LILRB5: variants seen among roughly 807,000 people sequenced by gnomAD.
LILRB5 encodes the protein leukocyte immunoglobulin-like receptor subfamily B member 5.
Under a neutral mutation model 68.4 loss-of-function variants are expected in LILRB5, and 61 were observed. The ratio of observed to expected loss-of-function variants is 0.89; its 90% CI spans 0.73 to 1.10. The LOEUF is 1.10. LILRB5 is among the 50% of genes least tolerant of loss of function. The pLI, the probability that LILRB5 is intolerant of heterozygous loss-of-function variation, is 0.00. For synonymous variants in LILRB5, 356 were observed against 315.8 expected (o/e 1.13, Z -1.35); for missense variants, 771 against 751.6 (o/e 1.03, Z -0.30).
intron 10 of LILRB5, 36 bp from the exon 11 acceptor site, chr19:54,252,439 G>C (rs415860): frequency 6.2e-7 from 1 of 1,614,104 alleles, no homozygotes. Context: ...GGGCAGTGAG[G>C]GGGCTGTGCG....
In LILRB5 at chr19:54,254,354, C is replaced by T; in HGVS notation, c.1306+11G>A. ...ACGCTCCCTCCGAGCCCAGAGGCCT[C>T]AGTGACTCACCAGGTGTGGGGGTGG... On this transcript the variant is annotated intron_variant, in intron 7 of 12. Transcript: ENST00000449561. 3 of 1,570,880 alleles carry T rather than the reference C, an allele frequency of 1.9e-6. No individual in the cohort carries two copies. Among genetic ancestry groups the T allele is most frequent in the Non-Finnish European group, 1.7e-6 (2 of 1,158,306 alleles).
Position 54,256,158 on chromosome 19 carries a change from G to T in LILRB5, c.540C>A (p.Phe180Leu), listed in dbSNP as rs1332838508. 1 of 1,613,382 alleles carries T rather than the reference G, an allele frequency of 6.2e-7. No homozygotes were observed. The highest frequency in any genetic ancestry group is 8.5e-7 in the Non-Finnish European group (1 of 1,179,692). Residue 180 changes from phenylalanine to leucine, a missense_variant, in exon 4 of 13, where the codon TTC (phenylalanine) becomes TTA (leucine). Phe to Leu is a conservative substitution (Grantham distance 22). Coordinates refer to ENST00000449561, the MANE Select transcript of LILRB5 (RefSeq NM_001081442.3). Reference protein sequence around the residue: ...KLPKGPSQALFPVGPVTPSCR... With the variant: ...KLPKGPSQALLPVGPVTPSCR... ...AGCTGGGGGTCACGGGACCCACAGG[G>T]AACAGGGCCTGGGATGGCCCTTTGG...
rs429425 is a variant in LILRB5 at position 54,250,956 on chromosome 19, G to A, written c.1630-24C>T. The A allele has an allele frequency of 6.4e-5, 97 of 1,512,514 alleles. 2 individuals are homozygous for A. In the East Asian group the frequency reaches 2.4e-3, roughly 37 times the overall value. 93.7% of individuals were successfully genotyped at this position (1,512,514 alleles called of 1,614,324 possible). A position where few individuals can be genotyped will look rare whatever the true frequency, so the allele number is the denominator to read the frequency against. Reference sequence around the variant, plus strand: ...GCCTGCAGCGGGGGAGAGTGAGAGGGAAGGAACGTGGTGGGGGTGGGGGAG... The same window carrying A: ...GCCTGCAGCGGGGGAGAGTGAGAGGAAAGGAACGTGGTGGGGGTGGGGGAG... On this transcript the variant is annotated intron_variant, in intron 12 of 12. Coordinates refer to ENST00000449561, the MANE Select transcript of LILRB5 (RefSeq NM_001081442.3).
At position 54,256,104 on chromosome 19, in the gene LILRB5, A is replaced by G; in HGVS notation, c.594T>C (p.Tyr198=). Residue 198 remains tyrosine (Y), a synonymous_variant, in exon 4 of 13, where the codon TAT becomes TAC. Transcript: ENST00000449561. The stretch of plus-strand genomic sequence containing the variant: ...ACCACACCTGAGGGTTTTTCCTGTA[A>G]TAGTAATAGCATCTGAACCTCCACC... The part of the protein sequence containing the change: ...SCRWRFRCYY[Y]YRKNPQVWSN... The G allele has an allele frequency of 6.3e-7, 1 of 1,591,826 alleles. No individual in the cohort carries two copies.
Position 54,255,369 on chromosome 19 carries a change from C to T in LILRB5, c.869G>A (p.Gly290Glu). Residue 290 changes from glycine (G) to glutamate (E), a missense_variant, in exon 5 of 13, where the codon GGG becomes GAG. Physicochemically the swap from Gly to Glu is moderately conservative, Grantham distance 98. Coordinates refer to ENST00000449561, the MANE Select transcript of LILRB5 (RefSeq NM_001081442.3). Reference protein sequence around the residue: ...FTLGPVSRSHGGQYRCYGAHN... With the variant: ...FTLGPVSRSHEGQYRCYGAHN... Reference sequence around the variant, plus strand: ...TGCACCGTAGCATCTGTACTGGCCCCCGTGGGAGCGGCTCACAGGGCCCAG... The same window carrying T: ...TGCACCGTAGCATCTGTACTGGCCCTCGTGGGAGCGGCTCACAGGGCCCAG... 1 of 1,614,100 alleles carries T rather than the reference C, an allele frequency of 6.2e-7. No individual in the cohort carries two copies. Among genetic ancestry groups the T allele is most frequent in the Non-Finnish European group, 8.5e-7 (1 of 1,179,998 alleles).
Position 54,250,924 on chromosome 19 carries a change from T to A in LILRB5, c.1638A>T (p.Ala546=), listed in dbSNP as rs560458214. ...DGVEMDAPAA[A]SEAPQDVTYA... ...AGGTCACATCCTGGGGGGCTTCAGATGCAGCAGCCTGCAGCGGGGGAGAGT... is the reference window on the plus strand; with the variant it reads ...AGGTCACATCCTGGGGGGCTTCAGAAGCAGCAGCCTGCAGCGGGGGAGAGT... Residue 546 remains alanine (A), a synonymous_variant, in exon 13 of 13, where the codon GCA becomes GCT. Transcript: ENST00000449561. 3 of 1,558,764 alleles carry A rather than the reference T, an allele frequency of 1.9e-6. No individual in the cohort carries two copies. Among genetic ancestry groups the A allele is most frequent in the African/African-American group, 3.0e-5 (2 of 65,962 alleles).
In LILRB5 at chr19:54,256,106, A is replaced by T. The variant is rs1293283912; in HGVS notation, c.592T>A (p.Tyr198Asn). ...SCRWRFRCYY[Y>N]YRKNPQVWSN... The stretch of plus-strand genomic sequence containing the variant: ...CACACCTGAGGGTTTTTCCTGTAAT[A>T]GTAATAGCATCTGAACCTCCACCTG... Residue 198 changes from tyrosine (Y) to asparagine (N), a missense_variant, in exon 4 of 13, where the codon TAT becomes AAT. Physicochemically the swap from Tyr to Asn is moderately radical, Grantham distance 143. Transcript: ENST00000449561. The T allele has an allele frequency of 6.3e-7, 1 of 1,597,776 alleles. No individual in the cohort carries two copies. The highest frequency in any genetic ancestry group is 8.5e-7 in the Non-Finnish European group (1 of 1,173,112).
chr19:54,257,119 C>T (rs759874033), intron 1 of LILRB5, 41 bp downstream of exon 1: 3 of 1,614,030 alleles, frequency 1.9e-6, no homozygotes, highest in Non-Finnish European at 2.5e-6. Context: ...AGTGAGCTCC[C>T]TCCAAGACGG....
rs1346481452 is a variant in LILRB5 at position 54,255,829 on chromosome 19, C to T, written c.655+214G>A. ...GAGGGACAGGAAATTGCAGCAAATA[C>T]ACCCATTGCCTTCCTGAGTCGACCC... On this transcript the variant is annotated intron_variant, in intron 4 of 12. Coordinates refer to ENST00000449561, the MANE Select transcript of LILRB5 (RefSeq NM_001081442.3). 6.1e-5 allele frequency: 40 copies of T among 651,280 alleles called. 1 individual carries two copies. The East Asian group carries it at 1.1e-3, about 18-fold the overall frequency. 40.3% of individuals were successfully genotyped at this position (651,280 alleles called of 1,614,324 possible).
intron 12 of LILRB5, chr19:54,251,542 C>G (rs2147606433): frequency 1.9e-6 from 1 of 531,676 alleles, no homozygotes; most frequent in South Asian, 1.9e-5. Flanking sequence ...ACTGGCCCCA[C>G]TGCCCCACAC....
At position 54,250,887 on chromosome 19, in the gene LILRB5, G is replaced by A; in HGVS notation, c.1675C>T (p.His559Tyr). 6.2e-7 allele frequency: 1 copy of A among 1,612,202 alleles called. No homozygotes were observed. The highest frequency in any genetic ancestry group is 1.1e-5 in the South Asian group (1 of 91,006). Residue 559 changes from histidine to tyrosine, a missense_variant, in exon 13 of 13, where the codon CAC becomes TAC. His to Tyr is a moderately conservative substitution (Grantham distance 83). Transcript: ENST00000449561. Reference sequence around the variant, plus strand: ...GCCTCCCGTCTGAGGGTCAAGCTGTGCAGCTGGGCGTAGGTCACATCCTGG... The same window carrying A: ...GCCTCCCGTCTGAGGGTCAAGCTGTACAGCTGGGCGTAGGTCACATCCTGG... ...APQDVTYAQL[H>Y]SLTLRREATE...
At position 54,255,447 on chromosome 19, in the gene LILRB5, AC is replaced by A. The variant is rs2079103021; in HGVS notation, c.790del (p.Val264SerfsTer22). ...CTGGGGCTGCTGGCCAGAGCCCTGGACGAGGTCATGTTCCCCCTCCTTGTAC... is the reference window on the plus strand; with the variant it reads ...CTGGGGCTGCTGGCCAGAGCCCTGGAGAGGTCATGTTCCCCCTCCTTGTAC... ...VLYKEGEHDL[V>X]QGSGQQPQAG... is the part of the protein sequence containing the mutation. On this transcript the variant is annotated frameshift_variant, in exon 5 of 13. Transcript: ENST00000449561. LOFTEE classifies it high-confidence loss of function. The A allele has an allele frequency of 1.2e-6, 2 of 1,613,916 alleles. No individual in the cohort carries two copies. The highest frequency in any genetic ancestry group is 1.7e-6 in the Non-Finnish European group (2 of 1,179,946).
chr19:54,252,802 G>C lies in LILRB5; in HGVS notation c.1474+69C>G. The C allele has an allele frequency of 5.7e-6, 8 of 1,397,762 alleles. No homozygotes were observed. In the South Asian group the frequency reaches 1.0e-4, roughly 18 times the overall value. The allele number at this position is 1,397,762 out of a possible 1,614,324, so 86.6% of individuals were successfully genotyped here. ...TCTAAGCTGACTTTCCTTTGTGTTTGGTTTCCCTCTGGCTGGTGCCCCGAG... is the reference window on the plus strand; with the variant it reads ...TCTAAGCTGACTTTCCTTTGTGTTTCGTTTCCCTCTGGCTGGTGCCCCGAG... On this transcript the variant is annotated intron_variant, in intron 9 of 12. Coordinates refer to ENST00000449561, the MANE Select transcript of LILRB5 (RefSeq NM_001081442.3).
At chr19:54,253,783 G>T in intron 8 of LILRB5, 1 of 1,412,520 alleles carries the variant, frequency 7.1e-7, no homozygotes, top group Admixed American at 2.2e-5. Context: ...CCAAACCACG[G>T]CCCTGCTCCC....
rs2078925662 is a variant in LILRB5, at chr19:54,250,918, T to C, written c.1644A>G (p.Glu548=). 1.9e-6 allele frequency: 3 copies of C among 1,594,690 alleles called. No homozygotes were observed. In the African/African-American group the frequency reaches 4.2e-5, roughly 22 times the overall value. Residue 548 remains glutamate (E), a synonymous_variant, in exon 13 of 13, where the codon GAA becomes GAG. Transcript: ENST00000449561. ...VEMDAPAAAS[E]APQDVTYAQL... is the part of the protein sequence containing the mutation. ...GGGCGTAGGTCACATCCTGGGGGGC[T>C]TCAGATGCAGCAGCCTGCAGCGGGG...
chr19:54,252,832 C>T (rs187450524), intron 9 of LILRB5, 39 bp downstream of exon 9: 2 of 1,563,696 alleles, frequency 1.3e-6, no homozygotes, highest in East Asian at 4.6e-5. Context: ...CCCGAGCCCA[C>T]CCTCGGTCGG....
intron 7 of LILRB5, 128 bp downstream of exon 7, chr19:54,254,237 G>C (rs2079047501): frequency 6.9e-7 from 1 of 1,443,284 alleles, no homozygotes; most frequent in Non-Finnish European, 9.3e-7. Context: ...CCCTCCTCTG[G>C]CTCTGCCCAG....
Position 54,256,048 on chromosome 19 carries a change from A to G in LILRB5, c.650T>C (p.Val217Ala). The G allele has an allele frequency of 6.5e-7, 1 of 1,537,634 alleles. No individual in the cohort carries two copies. The highest frequency in any genetic ancestry group is 1.4e-5 in the African/African-American group (1 of 72,008). The change falls in exon 4 of 13, where the codon GTC becomes GCC. Residue 217 changes from valine (V) to alanine (A), a missense_variant. Physicochemically the swap from Val to Ala is moderately conservative, Grantham distance 64. Transcript: ENST00000449561. ...SNPSDLLEIL[V>A]PGVSRKPSLL... The stretch of plus-strand genomic sequence containing the variant: ...AAGTGTGGTGGCTTTTTCACCTGGG[A>G]CCAGAATCTCCAGGAGGTCACTGGG...
Position 54,254,040 on chromosome 19 carries a change from G to T in LILRB5, c.1335C>A (p.Pro445=), listed in dbSNP as rs766614279. 6 of 1,597,422 alleles carry T rather than the reference G, an allele frequency of 3.8e-6. No individual in the cohort carries two copies. The highest frequency in any genetic ancestry group is 2.3e-5 in the South Asian group (2 of 88,120). The change falls in exon 8 of 13, where the codon CCC becomes CCA. Residue 445 remains proline (P), a synonymous_variant. Coordinates refer to ENST00000449561, the MANE Select transcript of LILRB5 (RefSeq NM_001081442.3). ...PAGPEDQPLT[P]TGLDPQSGLG... The stretch of plus-strand genomic sequence containing the variant: ...CACCACTCTGGGGATCCAACCCCGT[G>T]GGGGTGAGGGGCTGGTCCTCAGGGC...
Sources: gnomAD v4.1 joint callset for allele counts on GRCh38, gnomAD v4.1.1 for gene constraint, MANE v1.5 for transcripts, NCBI Gene and HGNC (gene_info 2026-07-23, HGNC 2026-07-21) for gene names.